The following KIF13A variants were observed in gnomAD, a reference collection of about 807,000 sequenced individuals.
KIF13A encodes the protein kinesin-like protein KIF13A.
In KIF13A, 79 loss-of-function variants were observed where a neutral mutation model predicts 212.2. The ratio of observed to expected loss-of-function variants is 0.37; its 90% confidence interval spans 0.31 to 0.45. KIF13A has a LOEUF of 0.45. Ranked by LOEUF, KIF13A falls within the 20% of genes least tolerant of loss-of-function variation. The pLI is 1.00. For synonymous variants in KIF13A, 789 were observed against 808.6 expected (o/e 0.98, Z 0.41); for missense variants, 1,901 against 2,209.0 (o/e 0.86, Z 2.79).
At position 17,899,084 on chromosome 6, in the gene KIF13A, T is replaced by C. The variant is rs1430817673; in HGVS notation, c.147-904A>G. Among the ~76,000 whole-genome samples, 1 of 152,166 alleles carries C rather than the reference T, an allele frequency of 6.6e-6. No homozygotes were observed. Among genetic ancestry groups the C allele is most frequent in the Non-Finnish European group, 1.5e-5 (1 of 68,022 alleles). ...CTCAAGCAATCCCCCCACCTCAGCC[T>C]CCCAAAGTGCTGGGATTACAGGTGT... On this transcript the variant is annotated intron_variant, in intron 2 of 38. Coordinates refer to ENST00000259711, the MANE Select transcript of KIF13A (RefSeq NM_022113.6). The surrounding 1 kb of genome is among the most constrained non-coding windows in gnomAD (Gnocchi z 5.2).
rs567653189 is a variant in KIF13A, at chr6:17,799,492, C to G, written c.2617-53G>C. The G allele has an allele frequency of 1.5e-6, 2 of 1,365,602 alleles. No homozygotes were observed. Among genetic ancestry groups the G allele is most frequent in the South Asian group, 3.1e-5 (2 of 63,712 alleles). 84.6% of individuals were successfully genotyped at this position (1,365,602 alleles called of 1,614,324 possible). On this transcript the variant is annotated intron_variant, in intron 21 of 38. Transcript: ENST00000259711. This position sits in a 1 kb window ranked among gnomAD's most constrained non-coding sequence, Gnocchi z 4.4. ...CTCCAATGAACACTAAACATTCTTT[C>G]ATTTCAGCTACCTCAAATTTAAGAG...
chr6:17,835,148 T>C (rs1765812612), intron 11 of KIF13A, among the ~76,000 whole-genome samples: 1 of 130,006 alleles, frequency 7.7e-6, no homozygotes, highest in Non-Finnish European at 1.5e-5. Flanking sequence ...ATGGTGCCAC[T>C]GCACTCCAGC....
chr6:17,796,673 C>T lies in KIF13A; in HGVS notation c.2938G>A (p.Asp980Asn). The T allele has an allele frequency of 6.5e-7, 1 of 1,534,552 alleles. No individual in the cohort carries two copies. Among genetic ancestry groups the T allele is most frequent in the Non-Finnish European group, 8.8e-7 (1 of 1,136,866 alleles). Residue 980 changes from aspartate (D) to asparagine (N), a missense_variant, in exon 23 of 39, where the codon GAC (aspartate) becomes AAC (asparagine). Physicochemically the swap from Asp to Asn is conservative, Grantham distance 23. This residue lies in a region of KIF13A where 534 missense variants were observed against 536.9 expected (regional missense o/e 0.99). Transcript: ENST00000259711. ...AGCTCACAGCCAAGTACAAACCTGT[C>T]ATGCAGTGTTCTTGTCTTAGCATGA... ...SLHAKTRTLH[D>N]RWNEVTRRIE...
chr6:17,879,089 A>T (rs1217333612), intron 3 of KIF13A, among the ~76,000 whole-genome samples: 2 of 152,142 alleles, frequency 1.3e-5, no homozygotes, highest in Non-Finnish European at 2.9e-5. Flanking sequence ...GAATAGAAAA[A>T]TTTTTGTTGT....
intron 2 of KIF13A, among the ~76,000 whole-genome samples, chr6:17,958,819 A>T (rs1275083121): frequency 1.3e-5 from 2 of 152,034 alleles, no homozygotes; most frequent in Non-Finnish European, 2.9e-5. Context: ...CAATACATAA[A>T]AATCCAATTA....
At position 17,837,848 on chromosome 6, in the gene KIF13A, G is replaced by T. The variant is rs1264256442; in HGVS notation, c.831-265C>A. On this transcript the variant is annotated intron_variant, in intron 9 of 38. Transcript: ENST00000259711. This position sits in a 1 kb window ranked among gnomAD's most constrained non-coding sequence, Gnocchi z 5.4. ...GGTGCCTGTAATCCCAGCTACTTGG[G>T]AGGCTGAAGCAGGAGAATCTCTGGA... 6.6e-6 allele frequency among the ~76,000 whole-genome samples: 1 copy of T among 152,058 alleles called. No individual in the cohort carries two copies. The highest frequency in any genetic ancestry group is 1.5e-5 in the Non-Finnish European group (1 of 68,020).
At chr6:17,836,385 G>C (rs1765953715) in intron 11 of KIF13A, among the ~76,000 whole-genome samples, 1 of 152,160 alleles carries the variant, frequency 6.6e-6, no homozygotes, top group African/African-American at 2.4e-5. Context: ...CTGATTTAGG[G>C]AAGCAAATGA....
rs755631363 is a variant in KIF13A, at chr6:17,963,810, C to T, written c.146+23244G>A. Among the ~76,000 whole-genome samples the T allele has an allele frequency of 6.6e-5, 10 of 152,202 alleles. No homozygotes were observed. Among genetic ancestry groups the T allele is most frequent in the Non-Finnish European group, 1.2e-4 (8 of 68,032 alleles). On this transcript the variant is annotated intron_variant, in intron 2 of 38. Transcript: ENST00000259711. This position sits in a 1 kb window ranked among gnomAD's most constrained non-coding sequence, Gnocchi z 4.1. ...GACCTTGTGATCCGCCCACCTCAGC[C>T]TCCCAAAGTGTTGGGATTACGGGCG... is the stretch of plus-strand genomic sequence containing the variant.
At chr6:17,854,341 TTGACCAGGCTGGTCTCGAACTCC>T (rs1189674386) in intron 6 of KIF13A, among the ~76,000 whole-genome samples, 1 of 152,102 alleles carries the variant, frequency 6.6e-6, no homozygotes, top group Non-Finnish European at 1.5e-5. Context: ...TTTCACCATG[TTGACCAGGCTGGTCTCGAACTCC>T]TGACCTCAAG....
chr6:17,892,147 C>T lies in KIF13A; in HGVS notation c.159+6021G>A, dbSNP rs1772119899. 6.6e-6 allele frequency among the ~76,000 whole-genome samples: 1 copy of T among 152,192 alleles called. No homozygotes were observed. The highest frequency in any genetic ancestry group is 2.4e-5 in the African/African-American group (1 of 41,436). ...TCAACTTCCCACTGAACCAAACTAG[C>T]TCTTCCTTCTTTAGTTTATGTTGAT... On this transcript the variant is annotated intron_variant, in intron 3 of 38. Coordinates refer to ENST00000259711, the MANE Select transcript of KIF13A (RefSeq NM_022113.6). The surrounding 1 kb of genome is among the most constrained non-coding windows in gnomAD (Gnocchi z 4.7).
intron 3 of KIF13A, among the ~76,000 whole-genome samples, chr6:17,891,715 G>A (rs1489796480): frequency 1.3e-5 from 2 of 152,106 alleles, no homozygotes; most frequent in Admixed American, 6.6e-5. Flanking sequence ...ACGATGCAGT[G>A]AGCTATGATT....
chr6:17,826,016 T>C lies in KIF13A; in HGVS notation c.1619+22A>G. ...CAGAAAAAATGTATACGAAAATATA[T>C]TACAGAACACAAAGATGTTACCTAA... On this transcript the variant is annotated intron_variant, in intron 15 of 38. Coordinates refer to ENST00000259711, the MANE Select transcript of KIF13A (RefSeq NM_022113.6). The surrounding 1 kb of genome is among the most constrained non-coding windows in gnomAD (Gnocchi z 4.7). The C allele has an allele frequency of 6.2e-7, 1 of 1,612,104 alleles. No individual in the cohort carries two copies. The highest frequency in any genetic ancestry group is 1.3e-5 in the African/African-American group (1 of 74,992).
At chr6:17,779,192 GAACA>G in intron 32 of KIF13A, 93 bp from the exon 33 acceptor site, 82 of 873,290 alleles carry the variant, frequency 9.4e-5, no homozygotes, top group Non-Finnish European at 1.3e-4. Flanking sequence ...TCTGGAGAAT[GAACA>G]CATTCTCCAT....
intron 2 of KIF13A, among the ~76,000 whole-genome samples, chr6:17,979,131 A>G (rs1370717945): frequency 1.3e-5 from 2 of 152,196 alleles, no homozygotes; most frequent in African/African-American, 4.8e-5. Context: ...CATGCCTACT[A>G]AAAATACAAA....
At chr6:17,893,323 TG>T (rs1235131551) in intron 3 of KIF13A, among the ~76,000 whole-genome samples, 4 of 152,216 alleles carry the variant, frequency 2.6e-5, no homozygotes, top group Non-Finnish European at 5.9e-5. Flanking sequence ...TAACCAAATG[TG>T]GGTTTTAGAA....
In KIF13A at chr6:17,850,416, C is replaced by T. The variant is rs145411488; in HGVS notation, c.624G>A (p.Thr208=). 4,255 of 1,613,714 alleles carry T rather than the reference C, an allele frequency of 2.6e-3. 14 individuals carry two copies. Among genetic ancestry groups the T allele is most frequent in the Middle Eastern group, 8.9e-3 (54 of 6,062 alleles). The change falls in exon 8 of 39, where the codon ACG becomes ACA. Residue 208 remains threonine, a synonymous_variant. Transcript: ENST00000259711. This position sits in a 1 kb window ranked among gnomAD's most constrained non-coding sequence, Gnocchi z 6.2. The stretch of plus-strand genomic sequence containing the variant: ...CTTCGTTCATGTTGGTAGCAGCTAC[C>T]GTTCGAGACTTATTTCCCTCAGACA... ...SLMSEGNKSR[T]VAATNMNEES...
In KIF13A at chr6:17,922,397, T is replaced by C. The variant is rs1203837025; in HGVS notation, c.147-24217A>G. On this transcript the variant is annotated intron_variant, in intron 2 of 38. Coordinates refer to ENST00000259711, the MANE Select transcript of KIF13A (RefSeq NM_022113.6). Reference sequence around the variant, plus strand: ...ACCTGGAGGATGGAAAAATAAACCATGGTACTCCATACAATGCAACAGTTT... The same window carrying C: ...ACCTGGAGGATGGAAAAATAAACCACGGTACTCCATACAATGCAACAGTTT... 4.6e-5 allele frequency among the ~76,000 whole-genome samples: 7 copies of C among 152,162 alleles called. No individual in the cohort carries two copies. The East Asian group carries it at 1.2e-3, about 25-fold the overall frequency.
chr6:17,933,862 C>T (rs1214027270), intron 2 of KIF13A, among the ~76,000 whole-genome samples: 1 of 152,166 alleles, frequency 6.6e-6, no homozygotes, highest in Non-Finnish European at 1.5e-5. Flanking sequence ...TAGCTCCCCA[C>T]CAAAGCCTGG....
intron 12 of KIF13A, among the ~76,000 whole-genome samples, chr6:17,831,483 A>G (rs754349348): frequency 1.1e-4 from 16 of 151,846 alleles, no homozygotes; most frequent in South Asian, 2.1e-4. Context: ...AGAGGGAACA[A>G]GACCACATAA....
Sources: gnomAD v4.1 joint callset for allele counts (sites outside exome capture counted in the v4.1 genomes callset) on GRCh38, gnomAD v4.1.1 for gene constraint, gnomAD v4.1.1 regional missense constraint, Gnocchi (gnomAD v3.1) non-coding constraint, MANE v1.5 for transcripts, NCBI Gene and HGNC (gene_info 2026-07-23, HGNC 2026-07-21) for gene names.